TNKS: variants seen among roughly 807,000 people sequenced by gnomAD.
TNKS encodes the protein tankyrase.
A neutral mutation model predicts 135.8 loss-of-function variants in TNKS; 72 were observed. The ratio of observed to expected loss-of-function variants is 0.53; its 90% confidence interval spans 0.44 to 0.64. The LOEUF is 0.64. Ranked by LOEUF, TNKS falls within the 30% of genes least tolerant of loss-of-function variation. The probability of loss-of-function intolerance (pLI) is 0.00; values close to 1 mark genes in which losing one functional copy is unlikely to be tolerated. For missense variants in TNKS, 1,769 were observed against 1,674.0 expected (o/e 1.06, Z -0.99); for synonymous variants, 849 against 649.3 (o/e 1.31, Z -4.68).
At chr8:9,635,603 C>T (rs1800479403) in intron 3 of TNKS, among the ~76,000 whole-genome samples, 1 of 152,136 alleles carries the variant, frequency 6.6e-6, no homozygotes, top group South Asian at 2.1e-4. Context: ...TTGACAAAAT[C>T]TGACAATACT....
At chr8:9,577,482 C>G (rs547573712) in intron 1 of TNKS, among the ~76,000 whole-genome samples, 3 of 152,176 alleles carry the variant, frequency 2.0e-5, no homozygotes, top group South Asian at 4.1e-4. Context: ...CCAGGAAATT[C>G]ACAGTCGTGA....
chr8:9,693,494 TTTCTC>T (rs1803373870), intron 5 of TNKS, among the ~76,000 whole-genome samples: 1 of 152,174 alleles, frequency 6.6e-6, no homozygotes, highest in Admixed American at 6.5e-5. Context: ...ATTATAGTAT[TTTCTC>T]TACTGTTTGA....
At chr8:9,668,760 G>A (rs1802124984) in intron 3 of TNKS, among the ~76,000 whole-genome samples, 2 of 152,164 alleles carry the variant, frequency 1.3e-5, no homozygotes, top group South Asian at 2.1e-4. Context: ...TCAGGAAAAT[G>A]CAAGGTGTAT....
In TNKS at chr8:9,706,925, A is replaced by T. The variant is rs766870749; in HGVS notation, c.1384A>T (p.Thr462Ser). 1.2e-6 allele frequency: 2 copies of T among 1,613,888 alleles called. No individual in the cohort carries two copies. Among genetic ancestry groups the T allele is most frequent in the Admixed American group, 3.3e-5 (2 of 59,968 alleles). The change falls in exon 8 of 27, where the codon ACA becomes TCA. Residue 462 changes from threonine to serine, a missense_variant. Physicochemically the swap from Thr to Ser is moderately conservative, Grantham distance 58. Transcript: ENST00000310430. Reference protein sequence around the residue: ...SLLLSHGADPTLVNCHGKSAV... With the variant: ...SLLLSHGADPSLVNCHGKSAV... ...GTTACTTAGCCATGGCGCTGATCCT[A>T]CATTAGTCAACTGCCATGGCAAAAG... is the stretch of plus-strand genomic sequence containing the variant.
chr8:9,718,483 G>C (rs1804717242), intron 11 of TNKS, among the ~76,000 whole-genome samples: 1 of 152,076 alleles, frequency 6.6e-6, no homozygotes, highest in African/African-American at 2.4e-5. Flanking sequence ...ATTTCTTTGT[G>C]GTCTGCTTGC....
chr8:9,599,791 T>A (rs1042435595), intron 2 of TNKS, among the ~76,000 whole-genome samples: 3 of 148,658 alleles, frequency 2.0e-5, no homozygotes, highest in African/African-American at 4.9e-5. Flanking sequence ...TGTGCCTTTT[T>A]AAAAAAAAAA....
At chr8:9,725,372 T>C (rs1468252168) in intron 12 of TNKS, among the ~76,000 whole-genome samples, 1 of 152,228 alleles carries the variant, frequency 6.6e-6, no homozygotes, top group African/African-American at 2.4e-5. Flanking sequence ...AAGATTTACT[T>C]TGTTATATGA....
intron 3 of TNKS, among the ~76,000 whole-genome samples, chr8:9,630,916 A>T (rs961343741): frequency 6.6e-6 from 1 of 152,224 alleles, no homozygotes; most frequent in Admixed American, 6.5e-5. Flanking sequence ...ATTCTTTACT[A>T]TATCTAATGT....
chr8:9,583,734 G>A (rs957082803), intron 2 of TNKS, among the ~76,000 whole-genome samples: 2 of 152,036 alleles, frequency 1.3e-5, no homozygotes, highest in African/African-American at 4.8e-5. Flanking sequence ...TGATCCGCCT[G>A]TCTCAGCCTC....
chr8:9,625,525 A>G, intron 3 of TNKS, among the ~76,000 whole-genome samples: 1 of 151,814 alleles, frequency 6.6e-6, no homozygotes, highest in South Asian at 2.1e-4. Context: ...ATTTAATGTT[A>G]TAATTTTTCT....
rs367631154 is a variant in TNKS at position 9,686,199 on chromosome 8, T to G, written c.1107+5399T>G. Among the ~76,000 whole-genome samples the G allele has an allele frequency of 5.9e-5, 9 of 152,290 alleles. No homozygotes were observed. In the East Asian group the frequency reaches 1.5e-3, roughly 26 times the overall value. ...TGCTAGTTTCTTTTTTTGTAATTCT[T>G]CTTGGAACCCAGCTGCCATGTCATA... On this transcript the variant is annotated intron_variant, in intron 5 of 26. Transcript: ENST00000310430.
At position 9,615,602 on chromosome 8, in the gene TNKS, G is replaced by A. The variant is rs1345210931; in HGVS notation, c.919G>A (p.Asp307Asn). Reference sequence around the variant, plus strand: ...CACAGTGCTGCTGCAGCACGGAGCTGACCCAAACATTCGGAACACTGATGG... The same window carrying A: ...CACAGTGCTGCTGCAGCACGGAGCTAACCCAAACATTCGGAACACTGATGG... ...VCIVLLQHGA[D>N]PNIRNTDGKS... is the part of the protein sequence containing the mutation. The change falls in exon 3 of 27, where the codon GAC (aspartate) becomes AAC (asparagine). Residue 307 changes from aspartate (D) to asparagine (N), a missense_variant. This residue lies in a region of TNKS where 523 missense variants were observed against 541.0 expected (regional missense o/e 0.97). Coordinates refer to ENST00000310430, the MANE Select transcript of TNKS (RefSeq NM_003747.3). 1 of 1,613,476 alleles carries A rather than the reference G, an allele frequency of 6.2e-7. No individual in the cohort carries two copies. Among genetic ancestry groups the A allele is most frequent in the Non-Finnish European group, 8.5e-7 (1 of 1,179,834 alleles).
At chr8:9,639,337 G>C (rs1205638572) in intron 3 of TNKS, among the ~76,000 whole-genome samples, 1 of 152,008 alleles carries the variant, frequency 6.6e-6, no homozygotes, top group Non-Finnish European at 1.5e-5. Context: ...AAGGAGAGTA[G>C]CTTATGAACA....
chr8:9,672,202 A>G (rs867525959), intron 3 of TNKS, among the ~76,000 whole-genome samples: 1 of 152,142 alleles, frequency 6.6e-6, no homozygotes, highest in African/African-American at 2.4e-5. Context: ...CTAGTTTATA[A>G]ATTAAAATTT....
intron 3 of TNKS, among the ~76,000 whole-genome samples, chr8:9,655,745 G>A (rs1046862982): frequency 2.6e-5 from 4 of 152,148 alleles, no homozygotes; most frequent in Middle Eastern, 3.4e-3. Context: ...CCATCTGTAC[G>A]TCACCATCAT....
At chr8:9,623,907 C>T (rs368814382) in intron 3 of TNKS, among the ~76,000 whole-genome samples, 1 of 152,040 alleles carries the variant, frequency 6.6e-6, no homozygotes, top group Non-Finnish European at 1.5e-5. Context: ...GAGGGTGAGG[C>T]TGGAGAATTG....
chr8:9,710,706 C>A (rs1804283091), intron 11 of TNKS, among the ~76,000 whole-genome samples: 1 of 152,122 alleles, frequency 6.6e-6, no homozygotes, highest in Non-Finnish European at 1.5e-5. Flanking sequence ...ACCATCCTGG[C>A]TAAGACGGTG....
chr8:9,620,275 T>C (rs866027970), intron 3 of TNKS, among the ~76,000 whole-genome samples: 17 of 152,114 alleles, frequency 1.1e-4, no homozygotes, highest in African/African-American at 3.9e-4. Flanking sequence ...TCACACTTTG[T>C]ATCCAACCTA....
At chr8:9,645,083 G>A (rs1197173915) in intron 3 of TNKS, among the ~76,000 whole-genome samples, 1 of 152,076 alleles carries the variant, frequency 6.6e-6, no homozygotes, top group Non-Finnish European at 1.5e-5. Flanking sequence ...TGGTTCTGTG[G>A]TTGCAGAAAG....
Sources: allele counts gnomAD v4.1 joint callset (sites outside exome capture counted in the v4.1 genomes callset), GRCh38; gene constraint gnomAD v4.1.1; regional missense constraint gnomAD v4.1.1; transcripts MANE v1.5; gene names NCBI Gene and HGNC (gene_info 2026-07-23, HGNC 2026-07-21).